The following PRKG1 variants were observed in gnomAD, a reference collection of about 807,000 sequenced individuals.
PRKG1 encodes protein kinase cGMP-dependent 1.
A neutral mutation model predicts 88.1 loss-of-function variants in PRKG1; 35 were observed. The observed-to-expected ratio is 0.40, with a 90% CI of 0.30 to 0.53. PRKG1 has a LOEUF of 0.53. PRKG1 is among the 20% of genes least tolerant of loss of function. The probability of loss-of-function intolerance (pLI) is 0.59; values close to 1 mark genes in which losing one functional copy is unlikely to be tolerated. For synonymous variants in PRKG1, 303 were observed against 292.5 expected, an observed-to-expected ratio of 1.04 and a Z score of -0.37; for missense variants, 540 against 839.8, an observed-to-expected ratio of 0.64 and a Z score of 4.41.
chr10:51,958,359 C>T lies in PRKG1; in HGVS notation c.762+50789C>T, dbSNP rs905038473. ...AGGAAAGGAACAAAAAAAGAAAATCCAGGATAGATGAACGAAGTTGATATG... is the reference window on the plus strand; with the variant it reads ...AGGAAAGGAACAAAAAAAGAAAATCTAGGATAGATGAACGAAGTTGATATG... On this transcript the variant is annotated intron_variant, in intron 5 of 17. Transcript: ENST00000373980. Among the ~76,000 whole-genome samples the T allele has an allele frequency of 7.9e-5, 12 of 152,016 alleles. No homozygotes were observed. The East Asian group carries it at 2.3e-3, about 29-fold the overall frequency.
chr10:51,605,398 ACT>A (rs1838738078), intron 3 of PRKG1, among the ~76,000 whole-genome samples: 1 of 151,740 alleles, frequency 6.6e-6, no homozygotes. Flanking sequence ...TCCCTGCCCC[ACT>A]CTCGTATCAC....
chr10:51,648,555 GA>G (rs1004240823), intron 3 of PRKG1, among the ~76,000 whole-genome samples: 1 of 152,056 alleles, frequency 6.6e-6, no homozygotes, highest in African/African-American at 2.4e-5. Flanking sequence ...CCTGTAAACA[GA>G]AAGAAGGCAG....
chr10:51,567,597 G>A (rs1554822242), intron 3 of PRKG1, among the ~76,000 whole-genome samples: 1 of 151,884 alleles, frequency 6.6e-6, no homozygotes, highest in Non-Finnish European at 1.5e-5. Flanking sequence ...AAACCATACT[G>A]TTTTTTTGAG....
At chr10:52,285,508 G>A (rs1000452500) in intron 14 of PRKG1, among the ~76,000 whole-genome samples, 1 of 152,042 alleles carries the variant, frequency 6.6e-6, no homozygotes, top group Non-Finnish European at 1.5e-5. Flanking sequence ...TACCAGTCTA[G>A]AATTTGCCCT....
intron 2 of PRKG1, among the ~76,000 whole-genome samples, chr10:51,323,532 T>C (rs1841507110): frequency 6.6e-6 from 1 of 152,240 alleles, no homozygotes; most frequent in African/African-American, 2.4e-5. Flanking sequence ...TTAATGCAGT[T>C]AGCACTGTGT....
At chr10:51,273,631 T>C (rs1488042291) in intron 2 of PRKG1, among the ~76,000 whole-genome samples, 1 of 152,212 alleles carries the variant, frequency 6.6e-6, no homozygotes, top group East Asian at 1.9e-4. Context: ...ATGTAACTAG[T>C]TGCCAACATT....
At chr10:52,089,917 T>C (rs544557451) in intron 7 of PRKG1, among the ~76,000 whole-genome samples, 1 of 142,174 alleles carries the variant, frequency 7.0e-6, no homozygotes, top group East Asian at 2.3e-4. Context: ...CACGTTCAAG[T>C]GATTCTCCTG....
intron 9 of PRKG1, among the ~76,000 whole-genome samples, chr10:52,228,293 A>AG (rs1564523741): frequency 6.6e-6 from 1 of 151,980 alleles, no homozygotes; most frequent in African/African-American, 2.4e-5. Context: ...AAGAAAAAAA[A>AG]AAAAAGAAAT....
chr10:52,026,765 A>G (rs116681967), intron 5 of PRKG1, among the ~76,000 whole-genome samples: 1,808 of 152,292 alleles, frequency 0.012, 27 homozygotes, highest in African/African-American at 0.041. Context: ...TCACCAACTC[A>G]GGAGATCAAG....
At chr10:51,768,195 G>A (rs1369156405) in intron 3 of PRKG1, among the ~76,000 whole-genome samples, 7 of 152,058 alleles carry the variant, frequency 4.6e-5, no homozygotes, top group African/African-American at 1.2e-4. Flanking sequence ...CAACATACAC[G>A]CATGGCATTA....
At position 51,907,549 on chromosome 10, in the gene PRKG1, G is replaced by A; in HGVS notation, c.741G>A (p.Lys247=). The stretch of plus-strand genomic sequence containing the variant: ...GCCTTCCTGAAGAGATCCTCAGCAA[G>A]CTTGCTGATGTCCTTGAAGAGGTAA... ...FQSLPEEILS[K]LADVLEETHY... The change falls in exon 5 of 18, where the codon AAG becomes AAA. Residue 247 remains lysine, a synonymous_variant. Coordinates refer to ENST00000373980, the MANE Select transcript of PRKG1 (RefSeq NM_006258.4). 6.2e-7 allele frequency: 1 copy of A among 1,613,646 alleles called. No individual in the cohort carries two copies. Among genetic ancestry groups the A allele is most frequent in the Non-Finnish European group, 8.5e-7 (1 of 1,179,734 alleles).
intron 3 of PRKG1, among the ~76,000 whole-genome samples, chr10:51,740,432 T>C (rs927054257): frequency 6.6e-6 from 1 of 152,210 alleles, no homozygotes; most frequent in Non-Finnish European, 1.5e-5. Context: ...CTATTACATG[T>C]CAACTTAATA....
intron 2 of PRKG1, among the ~76,000 whole-genome samples, chr10:51,267,823 C>T (rs1356815180): frequency 6.6e-6 from 1 of 152,144 alleles, no homozygotes; most frequent in Non-Finnish European, 1.5e-5. Context: ...TAAAAAGCTT[C>T]TGCTCAGTAA....
intron 9 of PRKG1, among the ~76,000 whole-genome samples, chr10:52,180,349 T>G (rs1391494010): frequency 6.6e-6 from 1 of 152,224 alleles, no homozygotes; most frequent in African/African-American, 2.4e-5. Flanking sequence ...ATCTGTAATC[T>G]CTTATATCTC....
intron 2 of PRKG1, among the ~76,000 whole-genome samples, chr10:51,200,702 A>G (rs1452858068): frequency 6.6e-6 from 1 of 152,206 alleles, no homozygotes; most frequent in African/African-American, 2.4e-5. Context: ...TAGCATGTGC[A>G]TTTTATTTTA....
chr10:51,679,100 T>C (rs1840781145), intron 3 of PRKG1, among the ~76,000 whole-genome samples: 1 of 152,196 alleles, frequency 6.6e-6, no homozygotes, highest in African/African-American at 2.4e-5. Flanking sequence ...CATTTAGATG[T>C]TATTCCTCCC....
chr10:51,200,051 A>C (rs574736711), intron 2 of PRKG1, among the ~76,000 whole-genome samples: 1 of 152,354 alleles, frequency 6.6e-6, no homozygotes, highest in South Asian at 2.1e-4. Flanking sequence ...CCTCTTCTGA[A>C]TAGTAAGTAT....
At chr10:51,027,633 G>T (rs547634655) in intron 1 of PRKG1, among the ~76,000 whole-genome samples, 2 of 152,222 alleles carry the variant, frequency 1.3e-5, no homozygotes, top group African/African-American at 4.8e-5. Flanking sequence ...GTTTTCCAAA[G>T]ATTAAGGTAA....
At chr10:51,890,391 A>C (rs912742037) in intron 4 of PRKG1, among the ~76,000 whole-genome samples, 21 of 152,200 alleles carry the variant, frequency 1.4e-4, no homozygotes, top group African/African-American at 4.8e-4. Flanking sequence ...CAGGTATCTT[A>C]GGATAAATTG....
Sources: gnomAD v4.1 joint callset for allele counts (sites outside exome capture counted in the v4.1 genomes callset) on GRCh38, gnomAD v4.1.1 for gene constraint, MANE v1.5 for transcripts, NCBI Gene and HGNC (gene_info 2026-07-23, HGNC 2026-07-21) for gene names.